The following SLC7A2 variants were observed in gnomAD, a reference collection of about 807,000 sequenced individuals.
The protein encoded by SLC7A2 is cationic amino acid transporter 2.
SLC7A2 carries 48 observed loss-of-function variants against 58.9 expected under a neutral mutation model. The ratio of observed to expected loss-of-function variants is 0.82; its 90% CI spans 0.65 to 1.04. The LOEUF (loss-of-function observed/expected upper bound fraction) is 1.04. Among genes scored for constraint, SLC7A2 ranks in the 50% least tolerant of loss-of-function variants. The probability of loss-of-function intolerance (pLI) is 0.00; values close to 1 mark genes in which losing one functional copy is unlikely to be tolerated. For missense variants in SLC7A2, 1,029 were observed against 818.8 expected (o/e 1.26, Z -3.13); for synonymous variants, 363 against 314.5 (o/e 1.15, Z -1.63).
chr8:17,532,261 C>CAAAAAAAAAAAAA (rs1563454562), intron 2 of SLC7A2, among the ~76,000 whole-genome samples: 2 of 28,622 alleles, frequency 7.0e-5, no homozygotes, highest in African/African-American at 1.4e-4. Flanking sequence ...AAAAAAAAAC[C>CAAAAAAAAAAAAA]CCAGCAATTC....
Position 17,565,402 on chromosome 8 carries a change from G to A in SLC7A2, c.*256G>A. The A allele has an allele frequency of 2.4e-6, 1 of 410,460 alleles. No homozygotes were observed. Among genetic ancestry groups the A allele is most frequent in the Non-Finnish European group, 4.4e-6 (1 of 228,794 alleles). 25.4% of individuals were successfully genotyped at this position (410,460 alleles called of 1,614,324 possible). On this transcript the variant is annotated 3_prime_UTR_variant, in exon 13 of 13. Transcript: ENST00000494857. ...TGGGAGTGTGTATGTATGTGTGTAT[G>A]TATGTATCTATGTATATGCTTGGGA... is the stretch of plus-strand genomic sequence containing the variant.
intron 4 of SLC7A2, among the ~76,000 whole-genome samples, chr8:17,547,314 G>C (rs1284910311): frequency 1.3e-5 from 2 of 152,104 alleles, no homozygotes; most frequent in African/African-American, 4.8e-5. Context: ...CAGATCTCAT[G>C]AGGTGTATTC....
chr8:17,548,238 G>A (rs1235573486), intron 4 of SLC7A2, among the ~76,000 whole-genome samples: 1 of 152,194 alleles, frequency 6.6e-6, no homozygotes, highest in African/African-American at 2.4e-5. Flanking sequence ...CTACTCAGGT[G>A]GCTGAGGTGA....
chr8:17,550,224 A>G, intron 5 of SLC7A2, 77 bp from the exon 6 acceptor site: 1 of 1,372,258 alleles, frequency 7.3e-7, no homozygotes, highest in Middle Eastern at 1.9e-4. Context: ...CCTTCCAAGG[A>G]TATAGTCTGA....
chr8:17,554,539 A>G (rs918183764), intron 7 of SLC7A2, 21 bp from the exon 8 acceptor site: 12 of 1,574,304 alleles, frequency 7.6e-6, no homozygotes, highest in African/African-American at 2.7e-5. Flanking sequence ...GCCATACTGC[A>G]TGTGTTTGCT....
intron 1 of SLC7A2, among the ~76,000 whole-genome samples, chr8:17,501,010 C>CTTTTTTTTT: frequency 6.9e-6 from 1 of 144,610 alleles, no homozygotes; most frequent in Non-Finnish European, 1.5e-5. Context: ...TTCTTATCGA[C>CTTTTTTTTT]TTTTTTTTTT....
upstream of SLC7A2, among the ~76,000 whole-genome samples, chr8:17,495,265 G>C (rs1373043452): frequency 6.6e-6 from 1 of 151,992 alleles, no homozygotes; most frequent in Non-Finnish European, 1.5e-5. Context: ...TTTTAAACCA[G>C]GTGAAAAATG....
At chr8:17,510,622 G>C (rs1800565058) in intron 2 of SLC7A2, 2 of 152,294 alleles carry the variant, frequency 1.3e-5, no homozygotes, top group South Asian at 4.1e-4. Context: ...TTGGCTGCAT[G>C]AATGTCTTCC....
rs1390519773 is a variant in SLC7A2 at position 17,565,184 on chromosome 8, C to T, written c.*38C>T. On this transcript the variant is annotated 3_prime_UTR_variant, in exon 13 of 13. Coordinates refer to ENST00000494857, the MANE Select transcript of SLC7A2 (RefSeq NM_001370338.1). ...CAGAGCTGGTCATCGTCTTAGCATA[C>T]ATATCCTACACTGAGTAAACCGTAA... The T allele has an allele frequency of 1.3e-6, 2 of 1,506,616 alleles. No individual in the cohort carries two copies. The highest frequency in any genetic ancestry group is 1.8e-6 in the Non-Finnish European group (2 of 1,095,642). The allele number at this position is 1,506,616 out of a possible 1,614,324, so 93.3% of individuals were successfully genotyped here.
chr8:17,517,517 C>T (rs1800849662), intron 2 of SLC7A2, among the ~76,000 whole-genome samples: 1 of 151,826 alleles, frequency 6.6e-6, no homozygotes, highest in Admixed American at 6.6e-5. Context: ...AGGTAACCTT[C>T]TTCTATTAAA....
chr8:17,529,779 C>T (rs191680690), intron 2 of SLC7A2, among the ~76,000 whole-genome samples: 61 of 152,122 alleles, frequency 4.0e-4, no homozygotes, highest in African/African-American at 1.4e-3. Flanking sequence ...TCAAGTAATC[C>T]GCCCACCTTG....
chr8:17,559,508 G>A (rs557834749), intron 9 of SLC7A2, among the ~76,000 whole-genome samples: 7 of 152,306 alleles, frequency 4.6e-5, no homozygotes, highest in South Asian at 2.1e-4. Context: ...AGAGGTTGCA[G>A]TGAGCTGAGA....
At chr8:17,513,861 C>G (rs944167643) in intron 2 of SLC7A2, among the ~76,000 whole-genome samples, 7 of 152,054 alleles carry the variant, frequency 4.6e-5, no homozygotes, top group Admixed American at 4.6e-4. Flanking sequence ...GTGGATTACA[C>G]CAGAGCACAT....
intron 2 of SLC7A2, among the ~76,000 whole-genome samples, chr8:17,519,732 C>A (rs1246235576): frequency 6.6e-6 from 1 of 152,156 alleles, no homozygotes; most frequent in African/African-American, 2.4e-5. Flanking sequence ...GGGTCACTTA[C>A]CTAAAGAGGA....
Position 17,548,748 on chromosome 8 carries a change from C to T in SLC7A2, c.603C>T (p.Val201=). 1 of 1,613,738 alleles carries T rather than the reference C, an allele frequency of 6.2e-7. No individual in the cohort carries two copies. The highest frequency in any genetic ancestry group is 2.2e-5 in the East Asian group (1 of 44,844). Residue 201 remains valine, a synonymous_variant, in exon 5 of 13, where the codon GTC becomes GTT. Transcript: ENST00000494857. ...TCTTCACAGCTGTTAATATTCTCGT[C>T]CTTCTGTTTGTGATGGTTGCTGGGT... is the stretch of plus-strand genomic sequence containing the variant. The part of the protein sequence containing the change: ...NKVFTAVNIL[V]LLFVMVAGFV...
intron 2 of SLC7A2, among the ~76,000 whole-genome samples, chr8:17,540,147 C>T (rs1160675037): frequency 6.6e-6 from 1 of 152,126 alleles, no homozygotes; most frequent in Admixed American, 6.6e-5. Flanking sequence ...CCTGCTAGGA[C>T]TCAATAAATG....
chr8:17,498,530 T>G (rs1800036272), intron 1 of SLC7A2: 1 of 152,232 alleles, frequency 6.6e-6, no homozygotes, highest in Non-Finnish European at 1.5e-5. Flanking sequence ...GATCTCTCAG[T>G]GCAGAACACA....
Position 17,551,668 on chromosome 8 carries a change from A to G in SLC7A2, c.833-96A>G, listed in dbSNP as rs1802455989. On this transcript the variant is annotated intron_variant, in intron 6 of 12. Transcript: ENST00000494857. Reference sequence around the variant, plus strand: ...AGAAAAGGGACAAAAGCAGAGGAGAACTACCCTGGAGAAGAGGAAGAATTT... The same window carrying G: ...AGAAAAGGGACAAAAGCAGAGGAGAGCTACCCTGGAGAAGAGGAAGAATTT... 6.8e-6 allele frequency: 6 copies of G among 881,318 alleles called. No homozygotes were observed. In the East Asian group the frequency reaches 1.2e-4, roughly 18 times the overall value. 54.6% of individuals were successfully genotyped at this position (881,318 alleles called of 1,614,324 possible).
chr8:17,497,793 G>T (rs1439192348), intron 1 of SLC7A2, among the ~76,000 whole-genome samples: 2 of 152,190 alleles, frequency 1.3e-5, no homozygotes, highest in South Asian at 2.1e-4. Flanking sequence ...GCCCGTCTTG[G>T]TGTTTGTATT....
Sources: allele counts gnomAD v4.1 joint callset (sites outside exome capture counted in the v4.1 genomes callset), GRCh38; gene constraint gnomAD v4.1.1; transcripts MANE v1.5; gene names NCBI Gene and HGNC (gene_info 2026-07-23, HGNC 2026-07-21).